MAFK: variants seen among roughly 807,000 people sequenced by gnomAD.
MAFK encodes MAF bZIP transcription factor K.
A neutral mutation model predicts 9.2 loss-of-function variants in MAFK; 1 was observed. The ratio of observed to expected loss-of-function variants is 0.11; its 90% CI spans 0.04 to 0.52. The LOEUF (loss-of-function observed/expected upper bound fraction) is 0.52, where lower values mean the gene tolerates loss of function less well. Among genes scored for constraint, MAFK ranks in the 20% least tolerant of loss-of-function variants. The probability of loss-of-function intolerance (pLI) is 0.94; values close to 1 mark genes in which losing one functional copy is unlikely to be tolerated. For missense variants in MAFK, 207 were observed against 236.0 expected (o/e 0.88, Z 0.81); for synonymous variants, 110 against 107.4 (o/e 1.02, Z -0.15).
At chr7:1,535,599 G>A (rs941582287) in intron 1 of MAFK, among the ~76,000 whole-genome samples, 5 of 152,352 alleles carry the variant, frequency 3.3e-5, no homozygotes, top group Admixed American at 1.3e-4. Flanking sequence ...GCAGTGAGCT[G>A]TGATTTCACC....
Position 1,541,317 on chromosome 7 carries a change from C to T in MAFK, c.*942C>T, listed in dbSNP as rs1308680546. The T allele has an allele frequency of 6.6e-6, 1 of 152,366 alleles. No individual in the cohort carries two copies. The highest frequency in any genetic ancestry group is 1.5e-5 in the Non-Finnish European group (1 of 68,104). The allele number at this position is 152,366 out of a possible 1,614,324, so 9.4% of individuals were successfully genotyped here. Reference sequence around the variant, plus strand: ...TGTGTGTCCTGGAGCTACTTCTCACCAACTGTGGTCAGTGCAGGGGGAACG... The same window carrying T: ...TGTGTGTCCTGGAGCTACTTCTCACTAACTGTGGTCAGTGCAGGGGGAACG... On this transcript the variant is annotated 3_prime_UTR_variant, in exon 3 of 3. Transcript: ENST00000343242.
chr7:1,538,279 C>T (rs897222875), intron 1 of MAFK: 1 of 985,500 alleles, frequency 1.0e-6, no homozygotes, highest in Non-Finnish European at 1.2e-6. Context: ...GGGGACGACT[C>T]CCGCCAGACG....
In MAFK at chr7:1,540,138, G is replaced by A. The variant is rs1489809398; in HGVS notation, c.234G>A (p.Glu78=). 4 of 1,572,286 alleles carry A rather than the reference G, an allele frequency of 2.5e-6. No individual in the cohort carries two copies. The highest frequency in any genetic ancestry group is 1.9e-5 in the Admixed American group (1 of 53,650). ...TCAAGCGGGTGACGCAGAAGGAGGA[G>A]CTGGAGCGGCAGCGCGTGGAGCTGC... The part of the protein sequence containing the change: ...CRIKRVTQKE[E]LERQRVELQQ... Residue 78 remains glutamate (E), a synonymous_variant, in exon 3 of 3, where the codon GAG becomes GAA. Transcript: ENST00000343242.
In MAFK at chr7:1,534,847, G is replaced by A. The variant is rs567999275; in HGVS notation, c.-45+3949G>A. On this transcript the variant is annotated intron_variant, in intron 1 of 2. Coordinates refer to ENST00000343242, the MANE Select transcript of MAFK (RefSeq NM_002360.4). This position sits in a 1 kb window ranked among gnomAD's most constrained non-coding sequence, Gnocchi z 4.3. ...CGTTTCTCTATGGGCATCCACAGCC[G>A]GGACCGTTCAGAGGGGTCATCCAGC... The A allele has an allele frequency of 5.8e-6, 2 of 344,952 alleles. No individual in the cohort carries two copies. Among genetic ancestry groups the A allele is most frequent in the South Asian group, 4.3e-5 (2 of 46,118 alleles). 21.4% of individuals were successfully genotyped at this position (344,952 alleles called of 1,614,324 possible). A position where few individuals can be genotyped will look rare whatever the true frequency, so the allele number is the denominator to read the frequency against.
Position 1,536,229 on chromosome 7 carries a change from TG to T in MAFK, c.-44-2919del, listed in dbSNP as rs1320877763. Among the ~76,000 whole-genome samples, 4 of 152,092 alleles carry T rather than the reference TG, an allele frequency of 2.6e-5. No homozygotes were observed. The East Asian group carries it at 5.8e-4, about 22-fold the overall frequency. On this transcript the variant is annotated intron_variant, in intron 1 of 2. Coordinates refer to ENST00000343242, the MANE Select transcript of MAFK (RefSeq NM_002360.4). The stretch of plus-strand genomic sequence containing the variant: ...CCCACCCAGGCCCCCGCTGTGGCGC[TG>T]AACACTGCACTTCTCTGGTGACCAC...
At chr7:1,536,778 G>A (rs556047083) in intron 1 of MAFK, among the ~76,000 whole-genome samples, 9 of 152,340 alleles carry the variant, frequency 5.9e-5, no homozygotes, top group Admixed American at 2.0e-4. Context: ...ATCCCATCCC[G>A]TGCTGGGTTC....
Position 1,540,650 on chromosome 7 carries a change from C to T in MAFK, c.*275C>T, listed in dbSNP as rs967968417. 2 of 462,218 alleles carry T rather than the reference C, an allele frequency of 4.3e-6. No homozygotes were observed. Among genetic ancestry groups the T allele is most frequent in the African/African-American group, 2.1e-5 (1 of 48,504 alleles). The allele number at this position is 462,218 out of a possible 1,614,324, so 28.6% of individuals were successfully genotyped here. On this transcript the variant is annotated 3_prime_UTR_variant, in exon 3 of 3. Transcript: ENST00000343242. ...GTGTGTGGGAATTGGTATCTTGCAC[C>T]CGTGGGAGTCGGGACATATAATGGA...
chr7:1,533,599 G>A (rs776569973), intron 1 of MAFK, among the ~76,000 whole-genome samples: 2 of 152,158 alleles, frequency 1.3e-5, no homozygotes, highest in Non-Finnish European at 2.9e-5. Context: ...TGTGTGGGGG[G>A]CACCAGGATC....
At position 1,540,335 on chromosome 7, in the gene MAFK, A is replaced by G. The variant is rs546067955; in HGVS notation, c.431A>G (p.Glu144Gly). 6.3e-7 allele frequency: 1 copy of G among 1,592,854 alleles called. No homozygotes were observed. Among genetic ancestry groups the G allele is most frequent in the African/African-American group, 1.4e-5 (1 of 72,906 alleles). ...GTCATCACCATCGTCAAGTCCACCG[A>G]GCTCTCCTCCACCTCCGTGCCCTTC... ...TSVITIVKST[E>G]LSSTSVPFSA... The change falls in exon 3 of 3, where the codon GAG becomes GGG. Residue 144 changes from glutamate to glycine, a missense_variant. Coordinates refer to ENST00000343242, the MANE Select transcript of MAFK (RefSeq NM_002360.4).
At chr7:1,538,198 TTGGC>T in intron 1 of MAFK, 1 of 888,562 alleles carries the variant, frequency 1.1e-6, no homozygotes, top group South Asian at 5.1e-5. Flanking sequence ...CGGGGATGCT[TTGGC>T]TGGGTTTTTC....
chr7:1,540,846 T>TTTTCTTAATGATACG lies in MAFK; in HGVS notation c.*471_*472insTTTCTTAATGATACG. 5.9e-6 allele frequency: 1 copy of TTTTCTTAATGATACG among 169,438 alleles called. No individual in the cohort carries two copies. The highest frequency in any genetic ancestry group is 5.9e-5 in the Admixed American group (1 of 16,904). 10.5% of individuals were successfully genotyped at this position (169,438 alleles called of 1,614,324 possible). On this transcript the variant is annotated 3_prime_UTR_variant, in exon 3 of 3. Coordinates refer to ENST00000343242, the MANE Select transcript of MAFK (RefSeq NM_002360.4). ...CCCAGCCGGTGCGGGAGCCCCTCAC[T>TTTTCTTAATGATACG]GCCCTGACCGACTCCGCAGTCCCCG...
At position 1,530,858 on chromosome 7, in the gene MAFK, CGAG is replaced by C. The variant is rs1283697549; in HGVS notation, c.-81_-79del. 2 of 136,594 alleles carry C rather than the reference CGAG, an allele frequency of 1.5e-5. No homozygotes were observed. The highest frequency in any genetic ancestry group is 5.3e-5 in the African/African-American group (2 of 37,794). The allele number at this position is 136,594 out of a possible 1,614,324, so 8.5% of individuals were successfully genotyped here. On this transcript the variant is annotated 5_prime_UTR_variant, in exon 1 of 3. Coordinates refer to ENST00000343242, the MANE Select transcript of MAFK (RefSeq NM_002360.4). The stretch of plus-strand genomic sequence containing the variant: ...CCGGCGCGAGGACAGCGCGTGCCCG[CGAG>C]GAGCCGCCGCGCGCCCGCGCCCTCC...
At chr7:1,539,312 C>A in intron 2 of MAFK, 84 bp downstream of exon 2, 2 of 1,172,672 alleles carry the variant, frequency 1.7e-6, no homozygotes, top group Non-Finnish European at 2.5e-6. Flanking sequence ...ATCCCAGGGC[C>A]GTCCTGAGCC....
rs567863932 is a variant in MAFK, at chr7:1,538,958, G to C, written c.-44-191G>C. 4.1e-5 allele frequency: 23 copies of C among 557,924 alleles called. 1 individual carries two copies. In the South Asian group the frequency reaches 4.6e-4, roughly 11 times the overall value. The allele number at this position is 557,924 out of a possible 1,614,324, so 34.6% of individuals were successfully genotyped here. ...GAACCCTCAGGCAGGGACAGAGGCCGGGCCAGGATGCCTCACCCCCTGGGA... is the reference window on the plus strand; with the variant it reads ...GAACCCTCAGGCAGGGACAGAGGCCCGGCCAGGATGCCTCACCCCCTGGGA... On this transcript the variant is annotated intron_variant, in intron 1 of 2. Coordinates refer to ENST00000343242, the MANE Select transcript of MAFK (RefSeq NM_002360.4).
intron 1 of MAFK, among the ~76,000 whole-genome samples, chr7:1,531,576 G>A (rs1436846318): frequency 6.6e-6 from 1 of 152,204 alleles, no homozygotes. Flanking sequence ...CCCAAGGCTC[G>A]TCCCTTTGCT....
Position 1,540,011 on chromosome 7 carries a change from A to C in MAFK, c.107A>C (p.Glu36Ala). Residue 36 changes from glutamate (E) to alanine (A), a missense_variant, in exon 3 of 3, where the codon GAG (glutamate) becomes GCG (alanine). Transcript: ENST00000343242. ...DDELVSMSVR[E>A]LNQHLRGLTK... ...GAGCTGGTGTCCATGTCGGTGCGGG[A>C]GCTGAACCAGCACCTGCGGGGTCTC... is the stretch of plus-strand genomic sequence containing the variant. 1 of 1,558,290 alleles carries C rather than the reference A, an allele frequency of 6.4e-7. No homozygotes were observed.
chr7:1,539,946 G>A lies in MAFK; in HGVS notation c.42G>A (p.Lys14=). Residue 14 remains lysine (K), a synonymous_variant, in exon 3 of 3, where the codon AAG becomes AAA. Transcript: ENST00000343242. ...NPKPNKALKV[K]KEAGENAPVL... Reference sequence around the variant, plus strand: ...CCCGCACTGTGGCCCCCCAGGTCAAGAAGGAGGCGGGCGAGAACGCCCCGG... The same window carrying A: ...CCCGCACTGTGGCCCCCCAGGTCAAAAAGGAGGCGGGCGAGAACGCCCCGG... 1.3e-6 allele frequency: 2 copies of A among 1,528,108 alleles called. No homozygotes were observed. Among genetic ancestry groups the A allele is most frequent in the Non-Finnish European group, 1.8e-6 (2 of 1,132,868 alleles). The allele number at this position is 1,528,108 out of a possible 1,614,324, so 94.7% of individuals were successfully genotyped here. A position where few individuals can be genotyped will look rare whatever the true frequency, so the allele number is the denominator to read the frequency against.
chr7:1,542,334 G>T lies in MAFK; in HGVS notation c.*1959G>T, dbSNP rs1291959326. On this transcript the variant is annotated 3_prime_UTR_variant, in exon 3 of 3. Coordinates refer to ENST00000343242, the MANE Select transcript of MAFK (RefSeq NM_002360.4). ...TAAATCTATCAGAGCAGAGCCGGGG[G>T]CACGGGCACAGGTGGGAGTTGGGAG... 4 of 152,734 alleles carry T rather than the reference G, an allele frequency of 2.6e-5. No homozygotes were observed. Among genetic ancestry groups the T allele is most frequent in the Admixed American group, 1.3e-4 (2 of 15,308 alleles). 9.5% of individuals were successfully genotyped at this position (152,734 alleles called of 1,614,324 possible). A position where few individuals can be genotyped will look rare whatever the true frequency, so the allele number is the denominator to read the frequency against.
intron 1 of MAFK, among the ~76,000 whole-genome samples, chr7:1,531,320 T>A (rs1783899609): frequency 6.6e-6 from 1 of 151,462 alleles, no homozygotes; most frequent in South Asian, 2.1e-4. Context: ...GCGCGTGGAT[T>A]CTCCGCGGCT....
Sources: gnomAD v4.1 joint callset for allele counts (sites outside exome capture counted in the v4.1 genomes callset) on GRCh38, gnomAD v4.1.1 for gene constraint, Gnocchi (gnomAD v3.1) non-coding constraint, MANE v1.5 for transcripts, NCBI Gene and HGNC (gene_info 2026-07-23, HGNC 2026-07-21) for gene names.